Variants in TULP4 observed in about 807,000 individuals in gnomAD.
The protein encoded by TULP4 is tubby-related protein 4.
Under a neutral mutation model 129.0 loss-of-function variants are expected in TULP4, and 16 were observed. The ratio of observed to expected loss-of-function variants is 0.12; its 90% confidence interval spans 0.08 to 0.19. TULP4 has a LOEUF of 0.19. Ranked by LOEUF, TULP4 falls within the 10% of genes least tolerant of loss-of-function variation. TULP4 has a pLI of 1.00. For synonymous variants in TULP4, 998 were observed against 854.0 expected (o/e 1.17, Z -2.94); for missense variants, 1,842 against 2,059.1 (o/e 0.89, Z 2.04).
Position 158,501,822 on chromosome 6 carries a change from A to G in TULP4, c.2159A>G (p.Gln720Arg). The change falls in exon 13 of 14, where the codon CAG becomes CGG. Residue 720 changes from glutamine (Q) to arginine (R), a missense_variant. Around this residue, in one of 5 missense-constraint regions of TULP4, gnomAD observed 99 missense variants for 165.1 expected, o/e 0.60. Coordinates refer to ENST00000367097, the MANE Select transcript of TULP4 (RefSeq NM_020245.5). Reference sequence around the variant, plus strand: ...TCCCTACTGGCCAATCAGAATGTGCAGCTAGATGTCCTGACCAACCAGACG... The same window carrying G: ...TCCCTACTGGCCAATCAGAATGTGCGGCTAGATGTCCTGACCAACCAGACG... ...VQSLLANQNVQLDVLTNQTTA... is the reference protein window; with the variant it reads ...VQSLLANQNVRLDVLTNQTTA... 6.2e-7 allele frequency: 1 copy of G among 1,614,134 alleles called. No homozygotes were observed. The highest frequency in any genetic ancestry group is 2.2e-5 in the East Asian group (1 of 44,868).
chr6:158,365,469 T>G (rs1780914295), intron 1 of TULP4, among the ~76,000 whole-genome samples: 1 of 151,544 alleles, frequency 6.6e-6, no homozygotes, highest in African/African-American at 2.4e-5. Context: ...TTTTTCTTTT[T>G]TCTTTTTTCT....
At chr6:158,480,687 T>C (rs1779921022) in intron 7 of TULP4, among the ~76,000 whole-genome samples, 1 of 133,812 alleles carries the variant, frequency 7.5e-6, no homozygotes, top group Admixed American at 8.3e-5. Context: ...TAGAATCTGT[T>C]GGGTTGTTTT....
intron 2 of TULP4, among the ~76,000 whole-genome samples, chr6:158,416,467 T>C (rs868116472): frequency 3.3e-5 from 5 of 149,970 alleles, no homozygotes; most frequent in African/African-American, 1.2e-4. Context: ...AAAAAAAAAA[T>C]TAATAGAAAA....
rs190927366 is a variant in TULP4, at chr6:158,486,797, G to T, written c.1487-2791G>T. Among the ~76,000 whole-genome samples, 79 of 152,244 alleles carry T rather than the reference G, an allele frequency of 5.2e-4. 1 individual carries two copies. Among genetic ancestry groups the T allele is most frequent in the African/African-American group, 1.8e-3 (73 of 41,538 alleles). ...AAAAGCCATTAAAACCGTTTTTAAA[G>T]ATTTTATTTTAAAAATATATCTAAT... On this transcript the variant is annotated intron_variant, in intron 8 of 13. Coordinates refer to ENST00000367097, the MANE Select transcript of TULP4 (RefSeq NM_020245.5).
chr6:158,365,010 C>A (rs1362180364), intron 1 of TULP4, among the ~76,000 whole-genome samples: 1 of 152,210 alleles, frequency 6.6e-6, no homozygotes, highest in South Asian at 2.1e-4. Flanking sequence ...GCTGGGATTA[C>A]AGGCGTGAGC....
At chr6:158,412,200 G>A (rs780873189) in intron 1 of TULP4, among the ~76,000 whole-genome samples, 28 of 152,186 alleles carry the variant, frequency 1.8e-4, no homozygotes, top group Non-Finnish European at 3.4e-4. Context: ...TGTGCTGAAT[G>A]TGTCAGACTG....
At chr6:158,374,634 C>T (rs1245620733) in intron 1 of TULP4, among the ~76,000 whole-genome samples, 1 of 152,150 alleles carries the variant, frequency 6.6e-6, no homozygotes, top group Non-Finnish European at 1.5e-5. Context: ...TAGAAGTGGA[C>T]AAAGCTGTTT....
At chr6:158,373,150 G>A (rs933966649) in intron 1 of TULP4, among the ~76,000 whole-genome samples, 1 of 152,308 alleles carries the variant, frequency 6.6e-6, no homozygotes, top group South Asian at 2.1e-4. Context: ...CAGTGAAAAT[G>A]TAGTCTACTA....
chr6:158,244,601 G>T (rs142669729), intron 1 of TULP4, among the ~76,000 whole-genome samples: 3 of 152,116 alleles, frequency 2.0e-5, no homozygotes, highest in Admixed American at 2.0e-4. Context: ...CAGCAGGATG[G>T]CAGCTGCCTA....
intron 1 of TULP4, among the ~76,000 whole-genome samples, chr6:158,369,805 A>G (rs975285568): frequency 3.3e-5 from 5 of 152,170 alleles, no homozygotes; most frequent in Non-Finnish European, 5.9e-5. Flanking sequence ...CTAGGTGGCA[A>G]GCAGACAGAG....
chr6:158,259,509 G>A (rs1778311019), intron 1 of TULP4, among the ~76,000 whole-genome samples: 1 of 152,204 alleles, frequency 6.6e-6, no homozygotes, highest in African/African-American at 2.4e-5. Flanking sequence ...GTAATCCAAG[G>A]TGAATTGAAA....
intron 1 of TULP4, among the ~76,000 whole-genome samples, chr6:158,233,694 G>T (rs1264451260): frequency 6.6e-6 from 1 of 152,210 alleles, no homozygotes; most frequent in Non-Finnish European, 1.5e-5. Context: ...ATTCTGAATG[G>T]GAGAGTCACA....
chr6:158,239,083 G>A (rs1159175714), intron 1 of TULP4, among the ~76,000 whole-genome samples: 1 of 92,672 alleles, frequency 1.1e-5, no homozygotes, highest in African/African-American at 4.2e-5. Context: ...CCTCCCGGAC[G>A]GGGCGGCTGG....
chr6:158,415,490 C>T (rs547703839), intron 2 of TULP4, among the ~76,000 whole-genome samples: 163 of 151,266 alleles, frequency 1.1e-3, no homozygotes, highest in African/African-American at 3.4e-3. Flanking sequence ...GCTGGGACTA[C>T]AGACACCCAC....
chr6:158,285,718 C>T (rs1228036072), intron 1 of TULP4, among the ~76,000 whole-genome samples: 1 of 152,206 alleles, frequency 6.6e-6, no homozygotes, highest in Admixed American at 6.5e-5. Flanking sequence ...GTTCCCCTGT[C>T]GCCCTGCCCT....
chr6:158,508,654 A>G lies in TULP4; in HGVS notation c.*1960A>G, dbSNP rs1421222387. ...TGTTTCAGTGCTTATTGGTTGTGCA[A>G]TAATGGTTATAGCCTGTTAGATAAT... On this transcript the variant is annotated 3_prime_UTR_variant, in exon 14 of 14. Transcript: ENST00000367097. The G allele has an allele frequency of 1.3e-5, 2 of 152,622 alleles. No individual in the cohort carries two copies. The highest frequency in any genetic ancestry group is 6.5e-5 in the Admixed American group (1 of 15,274). 9.5% of individuals were successfully genotyped at this position (152,622 alleles called of 1,614,324 possible). A position where few individuals can be genotyped will look rare whatever the true frequency, so the allele number is the denominator to read the frequency against.
intron 1 of TULP4, among the ~76,000 whole-genome samples, chr6:158,274,308 C>G (rs981758404): frequency 3.3e-5 from 5 of 151,902 alleles, no homozygotes; most frequent in Non-Finnish European, 5.9e-5. Context: ...AAACCAAAAG[C>G]CTGCCTCCCA....
At position 158,413,358 on chromosome 6, in the gene TULP4, T is replaced by C. The variant is rs1778139142; in HGVS notation, c.381+165T>C. ...TCCTACTTTTCATTTCTCTCACATATGTCACTGGATAAAAAGAGTACAGGA... is the reference window on the plus strand; with the variant it reads ...TCCTACTTTTCATTTCTCTCACATACGTCACTGGATAAAAAGAGTACAGGA... On this transcript the variant is annotated intron_variant, in intron 2 of 13. Coordinates refer to ENST00000367097, the MANE Select transcript of TULP4 (RefSeq NM_020245.5). The surrounding 1 kb of genome is among the most constrained non-coding windows in gnomAD (Gnocchi z 4.9). Among the ~76,000 whole-genome samples the C allele has an allele frequency of 6.6e-6, 1 of 152,230 alleles. No individual in the cohort carries two copies. Among genetic ancestry groups the C allele is most frequent in the African/African-American group, 2.4e-5 (1 of 41,462 alleles).
intron 1 of TULP4, among the ~76,000 whole-genome samples, chr6:158,360,424 G>A (rs1780759911): frequency 6.6e-6 from 1 of 152,102 alleles, no homozygotes; most frequent in South Asian, 2.1e-4. Flanking sequence ...TGCCCAAGAG[G>A]CTGTATTCTT....
Sources: gnomAD v4.1 joint callset for allele counts (sites outside exome capture counted in the v4.1 genomes callset) on GRCh38, gnomAD v4.1.1 for gene constraint, gnomAD v4.1.1 regional missense constraint, Gnocchi (gnomAD v3.1) non-coding constraint, MANE v1.5 for transcripts, NCBI Gene and HGNC (gene_info 2026-07-23, HGNC 2026-07-21) for gene names.